LRRC7: variants seen among roughly 807,000 people sequenced by gnomAD.
LRRC7 encodes leucine-rich repeat-containing protein 7.
A neutral mutation model predicts 175.7 loss-of-function variants in LRRC7; 23 were observed. The ratio of observed to expected loss-of-function variants is 0.13; its 90% CI spans 0.09 to 0.19. The LOEUF (loss-of-function observed/expected upper bound fraction) is 0.19. Among genes scored for constraint, LRRC7 ranks in the 10% least tolerant of loss-of-function variants. The probability of loss-of-function intolerance (pLI) is 1.00; values close to 1 mark genes in which losing one functional copy is unlikely to be tolerated. For synonymous variants in LRRC7, 685 were observed against 680.9 expected, an observed-to-expected ratio of 1.01 and a Z score of -0.09; for missense variants, 1,354 against 1,904.7, an observed-to-expected ratio of 0.71 and a Z score of 5.38.
intron 18 of LRRC7, among the ~76,000 whole-genome samples, chr1:70,028,928 T>C (rs149307961): frequency 7.6e-4 from 116 of 152,296 alleles, no homozygotes; most frequent in South Asian, 6.4e-3. Context: ...CCTTATTGAT[T>C]TTGTGGTCTG....
chr1:69,586,892 C>T (rs1646425736), intron 1 of LRRC7, among the ~76,000 whole-genome samples: 2 of 152,066 alleles, frequency 1.3e-5, no homozygotes, highest in African/African-American at 4.8e-5. Flanking sequence ...TTTCTATTTT[C>T]CAAATTCTGA....
chr1:69,800,799 A>G (rs1051973505), intron 4 of LRRC7, among the ~76,000 whole-genome samples: 31 of 151,794 alleles, frequency 2.0e-4, no homozygotes, highest in Non-Finnish European at 2.9e-4. Context: ...GAAAGTGGGC[A>G]TTCTTGTCTT....
At chr1:69,939,017 A>C (rs1233476462) in intron 8 of LRRC7, among the ~76,000 whole-genome samples, 1 of 108,318 alleles carries the variant, frequency 9.2e-6, no homozygotes, top group Non-Finnish European at 2.0e-5. Context: ...ATATATATCT[A>C]TATATATATA....
intron 7 of LRRC7, among the ~76,000 whole-genome samples, chr1:69,916,358 T>A (rs1646717750): frequency 6.9e-6 from 1 of 145,686 alleles, no homozygotes; most frequent in South Asian, 2.1e-4. Flanking sequence ...AAGTAAAAAC[T>A]ACCTAAACAT....
chr1:69,645,027 A>G, intron 1 of LRRC7, among the ~76,000 whole-genome samples: 1 of 152,200 alleles, frequency 6.6e-6, no homozygotes, highest in East Asian at 1.9e-4. Flanking sequence ...GACTTAATTA[A>G]TCGAGTGCCT....
chr1:69,956,912 C>T (rs541910954), intron 8 of LRRC7, among the ~76,000 whole-genome samples: 8 of 151,516 alleles, frequency 5.3e-5, no homozygotes, highest in Non-Finnish European at 7.4e-5. Context: ...TATTGCTCTA[C>T]GTAACATTAC....
intron 2 of LRRC7, among the ~76,000 whole-genome samples, chr1:69,713,595 T>G (rs1468197317): frequency 6.6e-6 from 1 of 152,110 alleles, no homozygotes; most frequent in Non-Finnish European, 1.5e-5. Context: ...TTAAATTATC[T>G]GATTCCTGTT....
intron 1 of LRRC7, among the ~76,000 whole-genome samples, chr1:69,639,857 TA>T (rs1005999439): frequency 1.4e-4 from 21 of 148,012 alleles, no homozygotes; most frequent in African/African-American, 4.7e-4. Context: ...AGTTACCAGC[TA>T]AAAAAAAAAT....
intron 4 of LRRC7, among the ~76,000 whole-genome samples, chr1:69,823,971 T>G (rs1191636768): frequency 6.6e-6 from 1 of 152,186 alleles, no homozygotes; most frequent in East Asian, 1.9e-4. Flanking sequence ...GTGCTCTGAA[T>G]TATTTTAAAT....
In LRRC7 at chr1:69,760,188, T is replaced by C. The variant is rs1355785215; in HGVS notation, c.101-3T>C. ...GTTTTGTTTTGTTTCTGCGTTTCTC[T>C]AGTGCAGTGCCTGGAGATGACCACC... is the stretch of plus-strand genomic sequence containing the variant. On this transcript the variant is annotated splice_polypyrimidine_tract_variant and splice_region_variant and intron_variant, in intron 2 of 26. Coordinates refer to ENST00000651989, the MANE Select transcript of LRRC7 (RefSeq NM_001370785.2). The C allele has an allele frequency of 4.3e-6, 7 of 1,612,386 alleles. No homozygotes were observed. Among genetic ancestry groups the C allele is most frequent in the Non-Finnish European group, 5.9e-6 (7 of 1,178,918 alleles).
chr1:69,825,726 CTT>C lies in LRRC7; in HGVS notation c.422-20_422-19del. Reference sequence around the variant, plus strand: ...ATATTTGTTGGAACATTTTCATGTACTTTGTTTTTTTCACATTTTAGGTGTAC... The same window carrying C: ...ATATTTGTTGGAACATTTTCATGTACTGTTTTTTTCACATTTTAGGTGTAC... On this transcript the variant is annotated intron_variant, in intron 4 of 26. Coordinates refer to ENST00000651989, the MANE Select transcript of LRRC7 (RefSeq NM_001370785.2). 1 of 1,471,598 alleles carries C rather than the reference CTT, an allele frequency of 6.8e-7. No homozygotes were observed. The highest frequency in any genetic ancestry group is 2.3e-5 in the East Asian group (1 of 43,530). The allele number at this position is 1,471,598 out of a possible 1,614,324, so 91.2% of individuals were successfully genotyped here.
intron 8 of LRRC7, among the ~76,000 whole-genome samples, chr1:69,979,863 G>A (rs1039153639): frequency 1.3e-5 from 2 of 151,264 alleles, no homozygotes; most frequent in South Asian, 2.1e-4. Flanking sequence ...TGGCAAAACC[G>A]CAATTACGTT....
At chr1:70,018,537 T>C (rs1411632402) in intron 14 of LRRC7, among the ~76,000 whole-genome samples, 182 bp from the exon 15 acceptor site, 1 of 152,130 alleles carries the variant, frequency 6.6e-6, no homozygotes, top group African/African-American at 2.4e-5. Flanking sequence ...AAAACTTTAT[T>C]ATGAAAATCT....
intron 1 of LRRC7, among the ~76,000 whole-genome samples, chr1:69,578,963 A>G (rs1269670626): frequency 6.6e-6 from 1 of 151,930 alleles, no homozygotes; most frequent in Non-Finnish European, 1.5e-5. Context: ...ATAAAATAAA[A>G]AGAAATGCAT....
intron 22 of LRRC7, among the ~76,000 whole-genome samples, chr1:70,049,793 A>G (rs1408796110): frequency 6.6e-6 from 1 of 152,094 alleles, no homozygotes; most frequent in Non-Finnish European, 1.5e-5. Flanking sequence ...TAAGATGGAA[A>G]TGAATAATAT....
intron 1 of LRRC7, among the ~76,000 whole-genome samples, chr1:69,582,613 G>C (rs933738370): frequency 1.3e-5 from 2 of 152,216 alleles, no homozygotes; most frequent in Non-Finnish European, 2.9e-5. Context: ...TCTGGTATAA[G>C]TGGCTCAGTG....
chr1:69,655,314 GGCTGATGAGATA>G (rs1557552186), intron 1 of LRRC7, among the ~76,000 whole-genome samples: 1 of 151,768 alleles, frequency 6.6e-6, no homozygotes, highest in Non-Finnish European at 1.5e-5. Flanking sequence ...CCACGTAGGC[GGCTGATGAGATA>G]GCTCAGAGAC....
chr1:69,693,168 C>T (rs1441950203), intron 2 of LRRC7, among the ~76,000 whole-genome samples: 1 of 152,122 alleles, frequency 6.6e-6, no homozygotes, highest in Non-Finnish European at 1.5e-5. Context: ...TGAACCAATT[C>T]CTTGCAATAA....
chr1:69,612,178 TTAAAA>T (rs1648871780), intron 1 of LRRC7, among the ~76,000 whole-genome samples: 1 of 152,052 alleles, frequency 6.6e-6, no homozygotes. Context: ...CAAACTGAAA[TTAAAA>T]TAATATACCA....
Sources: allele counts gnomAD v4.1 joint callset (sites outside exome capture counted in the v4.1 genomes callset), GRCh38; gene constraint gnomAD v4.1.1; transcripts MANE v1.5; gene names NCBI Gene and HGNC (gene_info 2026-07-23, HGNC 2026-07-21).